The following GPC6 variants were observed in gnomAD, a reference collection of about 807,000 sequenced individuals.
GPC6 encodes glypican-6.
GPC6 carries 14 observed loss-of-function variants against 55.2 expected under a neutral mutation model. The observed-to-expected ratio is 0.25, with a 90% confidence interval of 0.17 to 0.40. GPC6 has a LOEUF of 0.40. Among genes scored for constraint, GPC6 ranks in the 10% least tolerant of loss-of-function variants. The probability of loss-of-function intolerance (pLI) is 1.00; values close to 1 mark genes in which losing one functional copy is unlikely to be tolerated. For synonymous variants in GPC6, 278 were observed against 259.6 expected, an observed-to-expected ratio of 1.07 and a Z score of -0.68; for missense variants, 641 against 708.5, an observed-to-expected ratio of 0.90 and a Z score of 1.08.
chr13:93,975,272 G>A (rs913179996), intron 3 of GPC6, among the ~76,000 whole-genome samples: 1 of 152,072 alleles, frequency 6.6e-6, no homozygotes, highest in African/African-American at 2.4e-5. Context: ...TTAAACTCTT[G>A]CCAAAGGAAT....
At chr13:93,724,584 T>C (rs1430408669) in intron 2 of GPC6, among the ~76,000 whole-genome samples, 2 of 152,052 alleles carry the variant, frequency 1.3e-5, no homozygotes, top group African/African-American at 4.8e-5. Flanking sequence ...CATCAATTTC[T>C]GTTATCACCA....
intron 4 of GPC6, among the ~76,000 whole-genome samples, chr13:94,078,823 A>G (rs2138793218): frequency 6.6e-6 from 1 of 152,120 alleles, no homozygotes; most frequent in Non-Finnish European, 1.5e-5. Flanking sequence ...CATTTAAGGA[A>G]GAATTAATGC....
At chr13:94,259,345 G>T (rs1391097778) in intron 4 of GPC6, among the ~76,000 whole-genome samples, 2 of 152,162 alleles carry the variant, frequency 1.3e-5, no homozygotes, top group Admixed American at 6.5e-5. Context: ...TTGGTTATTG[G>T]AACAAATTAG....
intron 2 of GPC6, among the ~76,000 whole-genome samples, chr13:93,580,640 T>C (rs1005032985): frequency 6.6e-6 from 1 of 152,198 alleles, no homozygotes; most frequent in Non-Finnish European, 1.5e-5. Context: ...TTTTAGCACA[T>C]TTTACTCCTG....
At chr13:93,633,372 G>A (rs536698639) in intron 2 of GPC6, among the ~76,000 whole-genome samples, 18 of 152,226 alleles carry the variant, frequency 1.2e-4, no homozygotes, top group African/African-American at 4.1e-4. Flanking sequence ...GCGGCCAGGC[G>A]CAGTGGCTCA....
At chr13:93,912,579 T>TA (rs1280311683) in intron 3 of GPC6, among the ~76,000 whole-genome samples, 4 of 151,914 alleles carry the variant, frequency 2.6e-5, no homozygotes, top group South Asian at 2.1e-4. Context: ...CCATCTCTAC[T>TA]AAAAATACAA....
intron 6 of GPC6, among the ~76,000 whole-genome samples, chr13:94,369,764 G>A (rs1879455031): frequency 6.6e-6 from 1 of 152,100 alleles, no homozygotes; most frequent in Admixed American, 6.5e-5. Context: ...TGCTCTGGGG[G>A]TAATCGGGTC....
chr13:93,569,763 C>T (rs528454109), intron 2 of GPC6, among the ~76,000 whole-genome samples: 1 of 152,072 alleles, frequency 6.6e-6, no homozygotes, highest in South Asian at 2.1e-4. Context: ...ACTTTTTGTA[C>T]ATGACAATAT....
At chr13:93,259,647 A>G (rs1291525304) in intron 1 of GPC6, among the ~76,000 whole-genome samples, 1 of 152,016 alleles carries the variant, frequency 6.6e-6, no homozygotes, top group Admixed American at 6.6e-5. Context: ...ATTATAGGGA[A>G]CTGAATTATT....
rs73550999 is a variant in GPC6 at position 93,405,431 on chromosome 13, C to T, written c.161-139832C>T. Among the ~76,000 whole-genome samples the T allele has an allele frequency of 4.2e-3, 641 of 152,218 alleles. 6 individuals are homozygous for T. Among genetic ancestry groups the T allele is most frequent in the African/African-American group, 0.015 (604 of 41,534 alleles). The stretch of plus-strand genomic sequence containing the variant: ...CACTGCAGTATTAGAGAAATCCTTT[C>T]GCCGCTGGAGTCATCAGTTCTCTCA... On this transcript the variant is annotated intron_variant, in intron 1 of 8. Transcript: ENST00000377047.
intron 4 of GPC6, among the ~76,000 whole-genome samples, chr13:94,106,349 A>T (rs1328802889): frequency 6.6e-6 from 1 of 152,212 alleles, no homozygotes; most frequent in Non-Finnish European, 1.5e-5. Flanking sequence ...GACTTTTTTG[A>T]AAAAGTTTCT....
At chr13:93,473,023 T>A (rs1419103525) in intron 1 of GPC6, among the ~76,000 whole-genome samples, 2 of 152,200 alleles carry the variant, frequency 1.3e-5, no homozygotes, top group Non-Finnish European at 2.9e-5. Context: ...CAGCTGTGGC[T>A]GAGCCTGGGG....
At position 94,407,628 on chromosome 13, in the gene GPC6, A is replaced by G. The variant is rs115846490; in HGVS notation, c.*4411A>G. On this transcript the variant is annotated 3_prime_UTR_variant, in exon 9 of 9. Transcript: ENST00000377047. ...CCCAAATGTGTATGGAAAATACTGT[A>G]GCGCTGTTCTTTTGTACTGATTTCT... Among the ~76,000 whole-genome samples, 1 of 152,292 alleles carries G rather than the reference A, an allele frequency of 6.6e-6. No individual in the cohort carries two copies. Among genetic ancestry groups the G allele is most frequent in the African/African-American group, 2.4e-5 (1 of 41,576 alleles).
intron 2 of GPC6, among the ~76,000 whole-genome samples, chr13:93,627,196 C>T (rs1211393222): frequency 6.6e-6 from 1 of 151,810 alleles, no homozygotes; most frequent in South Asian, 2.1e-4. Flanking sequence ...ATGTTCCCCT[C>T]CCTGTGTCCA....
At chr13:93,377,116 C>T (rs1874933248) in intron 1 of GPC6, among the ~76,000 whole-genome samples, 1 of 152,146 alleles carries the variant, frequency 6.6e-6, no homozygotes, top group Non-Finnish European at 1.5e-5. Context: ...TCACAAAGCT[C>T]AGCCTGGCTA....
rs190957950 is a variant in GPC6, at chr13:93,268,339, A to G, written c.160+40723A>G. Among the ~76,000 whole-genome samples the G allele has an allele frequency of 2.6e-5, 4 of 152,330 alleles. No individual in the cohort carries two copies. In the East Asian group the frequency reaches 7.7e-4, roughly 29 times the overall value. On this transcript the variant is annotated intron_variant, in intron 1 of 8. Transcript: ENST00000377047. ...CTGTAACGAAAACTCTGCCCAGTTCATATAGACAATCTACAAAGTAGAGAT... is the reference window on the plus strand; with the variant it reads ...CTGTAACGAAAACTCTGCCCAGTTCGTATAGACAATCTACAAAGTAGAGAT...
chr13:94,385,105 T>C (rs1398285885), intron 7 of GPC6, among the ~76,000 whole-genome samples: 3 of 152,138 alleles, frequency 2.0e-5, no homozygotes, highest in Non-Finnish European at 4.4e-5. Flanking sequence ...CTGGGTGTGG[T>C]GGCACATGCC....
At chr13:94,392,833 G>A (rs1468666409) in intron 7 of GPC6, among the ~76,000 whole-genome samples, 6 of 148,998 alleles carry the variant, frequency 4.0e-5, no homozygotes, top group Non-Finnish European at 8.9e-5. Context: ...GGCTGGTCTC[G>A]AACTCTCGAC....
intron 4 of GPC6, among the ~76,000 whole-genome samples, chr13:94,119,450 G>A (rs1392365197): frequency 6.6e-6 from 1 of 150,908 alleles, no homozygotes; most frequent in African/African-American, 2.5e-5. Flanking sequence ...AGGCGGTGAA[G>A]GAGCAATAGG....
Sources: gnomAD v4.1 joint callset for allele counts (sites outside exome capture counted in the v4.1 genomes callset) on GRCh38, gnomAD v4.1.1 for gene constraint, MANE v1.5 for transcripts, NCBI Gene and HGNC (gene_info 2026-07-23, HGNC 2026-07-21) for gene names.